Variants in CDK8 observed in about 807,000 individuals in gnomAD.
CDK8 encodes cyclin-dependent kinase 8.
In CDK8, 29 loss-of-function variants were observed where a neutral mutation model predicts 71.5. That is an observed-to-expected ratio of 0.41 (90% CI 0.30 to 0.55). The LOEUF (loss-of-function observed/expected upper bound fraction) is 0.55, where lower values mean the gene tolerates loss of function less well. Among genes scored for constraint, CDK8 ranks in the 20% least tolerant of loss-of-function variants. The pLI is 0.37. For synonymous variants in CDK8, 161 were observed against 192.1 expected (o/e 0.84, Z 1.34); for missense variants, 288 against 572.6 (o/e 0.50, Z 5.07).
chr13:26,352,950 C>T (rs1049748669), intron 3 of CDK8, among the ~76,000 whole-genome samples: 2 of 152,154 alleles, frequency 1.3e-5, no homozygotes, highest in Non-Finnish European at 2.9e-5. Flanking sequence ...AGGGTCTGCT[C>T]TGTGCAATAT....
At chr13:26,341,129 A>G (rs80030486) in intron 2 of CDK8, among the ~76,000 whole-genome samples, 4,747 of 152,114 alleles carry the variant, frequency 0.031, 235 homozygotes, top group African/African-American at 0.11. Context: ...AGCATACCTC[A>G]GTTTTTTTCT....
At chr13:26,380,725 G>C (rs1313845093) in intron 4 of CDK8, among the ~76,000 whole-genome samples, 1 of 152,104 alleles carries the variant, frequency 6.6e-6, no homozygotes, top group African/African-American at 2.4e-5. Context: ...TGGCAGCCCT[G>C]CTGCCTCATC....
chr13:26,295,802 A>G (rs793115), intron 1 of CDK8, among the ~76,000 whole-genome samples: 143,872 of 152,038 alleles, frequency 0.95, 68,118 homozygotes, highest in East Asian at 1. Flanking sequence ...ATCTGAGAAT[A>G]TGATCAATCC....
chr13:26,385,136 A>T (rs943292852), intron 5 of CDK8, 75 bp from the exon 6 acceptor site: 1 of 1,203,670 alleles, frequency 8.3e-7, no homozygotes, highest in Non-Finnish European at 1.2e-6. Context: ...ACTGAATAAG[A>T]TGGTAAATTA....
rs186152036 is a variant in CDK8 at position 26,398,769 on chromosome 13, T to G, written c.933+1544T>G. 7.5e-3 allele frequency among the ~76,000 whole-genome samples: 1,135 copies of G among 151,972 alleles called. 11 individuals are homozygous for G. The highest frequency in any genetic ancestry group is 0.032 in the South Asian group (153 of 4,810). On this transcript the variant is annotated intron_variant, in intron 9 of 12. Transcript: ENST00000381527. ...CGGGCGGATCACAAGGTCAGGAGAT[T>G]GAGACCATCCTGGCCAATGTGGTGA...
At chr13:26,268,495 T>A (rs891464018) in intron 1 of CDK8, among the ~76,000 whole-genome samples, 2 of 152,064 alleles carry the variant, frequency 1.3e-5, no homozygotes, top group African/African-American at 4.8e-5. Context: ...ATTGTATTTT[T>A]TGTAGAGATG....
At chr13:26,266,458 G>A (rs779623420) in intron 1 of CDK8, among the ~76,000 whole-genome samples, 4 of 152,108 alleles carry the variant, frequency 2.6e-5, no homozygotes, top group Non-Finnish European at 5.9e-5. Flanking sequence ...AACAGGAACC[G>A]TGGAGTGTAC....
At chr13:26,372,813 A>G (rs1056976021) in intron 4 of CDK8, among the ~76,000 whole-genome samples, 1 of 152,046 alleles carries the variant, frequency 6.6e-6, no homozygotes, top group Non-Finnish European at 1.5e-5. Context: ...CATAACTAAC[A>G]TTCATGTTGC....
At chr13:26,385,467 G>A (rs1246909755) in intron 6 of CDK8, 125 bp downstream of exon 6, 5 of 715,632 alleles carry the variant, frequency 7.0e-6, no homozygotes, top group Non-Finnish European at 4.2e-6. Flanking sequence ...GAGTGTGATG[G>A]CTCATGCCTG....
chr13:26,301,385 T>G (rs189088510), intron 1 of CDK8, among the ~76,000 whole-genome samples: 52 of 152,238 alleles, frequency 3.4e-4, no homozygotes, highest in African/African-American at 1.2e-3. Context: ...TAGGCAAAAT[T>G]TAATGTGGTA....
At chr13:26,382,412 C>T (rs955082453) in intron 4 of CDK8, among the ~76,000 whole-genome samples, 1 of 152,162 alleles carries the variant, frequency 6.6e-6, no homozygotes, top group African/African-American at 2.4e-5. Context: ...TCTGGTGATT[C>T]CTTGCCTATA....
rs144698920 is a variant in CDK8, at chr13:26,347,820, A to T, written c.205-1252A>T. 1.8e-4 allele frequency among the ~76,000 whole-genome samples: 28 copies of T among 152,312 alleles called. No individual in the cohort carries two copies. In the East Asian group the frequency reaches 5.4e-3, roughly 29 times the overall value. On this transcript the variant is annotated intron_variant, in intron 2 of 12. Transcript: ENST00000381527. Reference sequence around the variant, plus strand: ...CCAGTGTTGGTGAGGATATGAAGAAATTGGAACCTTCATACATTGCAGATG... The same window carrying T: ...CCAGTGTTGGTGAGGATATGAAGAATTTGGAACCTTCATACATTGCAGATG...
Position 26,331,080 on chromosome 13 carries a change from T to C in CDK8, c.129-6487T>C, listed in dbSNP as rs545758324. Among the ~76,000 whole-genome samples, 23 of 152,328 alleles carry C rather than the reference T, an allele frequency of 1.5e-4. No individual in the cohort carries two copies. In the South Asian group the frequency reaches 4.1e-3, roughly 27 times the overall value. On this transcript the variant is annotated intron_variant, in intron 1 of 12. Transcript: ENST00000381527. ...GCCACCATGTGTAAGAGGAGTTCCC[T>C]TTTCTCTGTGTCCACACCAACATCT...
At chr13:26,278,575 C>T (rs781068152) in intron 1 of CDK8, among the ~76,000 whole-genome samples, 2 of 152,086 alleles carry the variant, frequency 1.3e-5, no homozygotes, top group Non-Finnish European at 2.9e-5. Flanking sequence ...GGAAGCTATG[C>T]GGAGCAAGCT....
At chr13:26,326,747 A>G (rs1875036382) in intron 1 of CDK8, among the ~76,000 whole-genome samples, 1 of 152,194 alleles carries the variant, frequency 6.6e-6, no homozygotes, top group Admixed American at 6.5e-5. Context: ...GAATCTGGCA[A>G]AGTCATTGGA....
chr13:26,395,183 A>G (rs1875925391), intron 7 of CDK8, among the ~76,000 whole-genome samples: 1 of 152,216 alleles, frequency 6.6e-6, no homozygotes, highest in South Asian at 2.1e-4. Context: ...CAAGCCTCTA[A>G]AGGCCATTTA....
chr13:26,339,129 T>G (rs1873115397), intron 2 of CDK8, among the ~76,000 whole-genome samples: 1 of 152,122 alleles, frequency 6.6e-6, no homozygotes, highest in Non-Finnish European at 1.5e-5. Context: ...AATGTTTAAT[T>G]TTTATGAAGT....
At position 26,403,990 on chromosome 13, in the gene CDK8, G is replaced by T; in HGVS notation, c.1304G>T (p.Gly435Val). 6.2e-7 allele frequency: 1 copy of T among 1,613,468 alleles called. No homozygotes were observed. ...SNPHAAYPNP[G>V]PSTSQPQSSM... ...CCACATGCTGCCTATCCCAACCCTG[G>T]ACCAAGCACATCACAGCCGCAGAGC... The change falls in exon 13 of 13, where the codon GGA (glycine) becomes GTA (valine). Residue 435 changes from glycine (G) to valine (V), a missense_variant. Gly to Val is a moderately radical substitution (Grantham distance 109). Around this residue, in one of 6 missense-constraint regions of CDK8, gnomAD observed 76 missense variants for 99.7 expected, o/e 0.76. Coordinates refer to ENST00000381527, the MANE Select transcript of CDK8 (RefSeq NM_001260.3).
rs570377512 is a variant in CDK8 at position 26,266,415 on chromosome 13, G to C, written c.128+11646G>C. ...CCTAGGAGGCCAAAAATTGAGTCTA[G>C]AAAGGAGAAAACCCAAGGTTGCCAT... On this transcript the variant is annotated intron_variant, in intron 1 of 12. Transcript: ENST00000381527. 2.6e-5 allele frequency among the ~76,000 whole-genome samples: 4 copies of C among 152,256 alleles called. No homozygotes were observed. In the South Asian group the frequency reaches 8.3e-4, roughly 32 times the overall value.
Sources: gnomAD v4.1 joint callset for allele counts (sites outside exome capture counted in the v4.1 genomes callset) on GRCh38, gnomAD v4.1.1 for gene constraint, gnomAD v4.1.1 regional missense constraint, MANE v1.5 for transcripts, NCBI Gene and HGNC (gene_info 2026-07-23, HGNC 2026-07-21) for gene names.